MBD5: variants seen among roughly 807,000 people sequenced by gnomAD.
The protein encoded by MBD5 is methyl-CpG binding domain protein 5, also known as methyl-CpG-binding domain protein 5.
A neutral mutation model predicts 117.3 loss-of-function variants in MBD5; 13 were observed. The ratio of observed to expected loss-of-function variants is 0.11; its 90% CI spans 0.07 to 0.18. The LOEUF is 0.18. Among genes scored for constraint, MBD5 ranks in the 10% least tolerant of loss-of-function variants. MBD5 has a pLI of 1.00. For synonymous variants in MBD5, 727 were observed against 766.4 expected, an observed-to-expected ratio of 0.95 and a Z score of 0.85; for missense variants, 1,879 against 2,093.8, an observed-to-expected ratio of 0.90 and a Z score of 2.00.
intron 3 of MBD5, among the ~76,000 whole-genome samples, chr2:148,336,360 C>A (rs1470445533): frequency 6.6e-6 from 1 of 152,048 alleles, no homozygotes; most frequent in African/African-American, 2.4e-5. Flanking sequence ...CTACCCCTAT[C>A]TCCTATTTGT....
At chr2:148,347,643 G>T (rs557094193) in intron 4 of MBD5, 3 of 151,748 alleles carry the variant, frequency 2.0e-5, no homozygotes, top group Non-Finnish European at 2.9e-5. Context: ...CACAGTAAGC[G>T]CAGTGCCTAG....
At chr2:148,283,030 T>C (rs1701287678) in intron 3 of MBD5, among the ~76,000 whole-genome samples, 1 of 151,920 alleles carries the variant, frequency 6.6e-6, no homozygotes, top group Non-Finnish European at 1.5e-5. Context: ...AAGATCTAGG[T>C]TCAAGTAGAG....
chr2:148,479,790 C>T (rs1266385572), intron 8 of MBD5, among the ~76,000 whole-genome samples: 1 of 151,236 alleles, frequency 6.6e-6, no homozygotes, highest in Non-Finnish European at 1.5e-5. Context: ...TCTCAAATTC[C>T]AGACCAAATA....
chr2:148,255,255 G>T (rs1700558110), intron 3 of MBD5, among the ~76,000 whole-genome samples: 1 of 149,614 alleles, frequency 6.7e-6, no homozygotes. Flanking sequence ...GCCCTGGGCA[G>T]TCGTACCACA....
At chr2:148,299,513 A>G (rs1701734421) in intron 3 of MBD5, among the ~76,000 whole-genome samples, 3 of 152,158 alleles carry the variant, frequency 2.0e-5, no homozygotes, top group Admixed American at 2.0e-4. Context: ...TATTCTCTCC[A>G]AATGTTCATT....
chr2:148,503,632 T>A (rs1324753094), intron 12 of MBD5, among the ~76,000 whole-genome samples: 1 of 152,206 alleles, frequency 6.6e-6, no homozygotes, highest in Non-Finnish European at 1.5e-5. Context: ...CCTATGTCTC[T>A]ATGTCCCGGA....
At chr2:148,367,543 C>T (rs1162433786) in intron 4 of MBD5, among the ~76,000 whole-genome samples, 1 of 152,088 alleles carries the variant, frequency 6.6e-6, no homozygotes, top group Non-Finnish European at 1.5e-5. Flanking sequence ...AACAGGCAAC[C>T]TACAGAATGG....
chr2:148,376,580 T>C (rs544491187), intron 4 of MBD5, among the ~76,000 whole-genome samples: 1 of 150,470 alleles, frequency 6.6e-6, no homozygotes. Flanking sequence ...AATATTCATG[T>C]TATATTTCAA....
intron 3 of MBD5, among the ~76,000 whole-genome samples, chr2:148,253,542 G>A (rs1045880052): frequency 3.3e-5 from 5 of 152,156 alleles, no homozygotes; most frequent in African/African-American, 1.2e-4. Flanking sequence ...GCAATAAAGT[G>A]AACCATAGGA....
chr2:148,309,392 A>G (rs1464060421), intron 3 of MBD5, among the ~76,000 whole-genome samples: 2 of 152,034 alleles, frequency 1.3e-5, no homozygotes, highest in Non-Finnish European at 2.9e-5. Flanking sequence ...TTGTATTCCT[A>G]GGTATTTTAT....
At chr2:148,227,088 C>G (rs1307797860) in intron 2 of MBD5, among the ~76,000 whole-genome samples, 1 of 152,150 alleles carries the variant, frequency 6.6e-6, no homozygotes, top group East Asian at 1.9e-4. Context: ...ATGGTAGTTT[C>G]CTTTGCTGTG....
At chr2:148,064,237 C>T (rs1412961821) in intron 1 of MBD5, among the ~76,000 whole-genome samples, 1 of 151,262 alleles carries the variant, frequency 6.6e-6, no homozygotes. Context: ...GCCATTCTCC[C>T]GCCTAGTAGC....
chr2:148,349,836 C>G (rs1703210044), intron 4 of MBD5, among the ~76,000 whole-genome samples: 1 of 151,890 alleles, frequency 6.6e-6, no homozygotes, highest in South Asian at 2.1e-4. Flanking sequence ...GAATACACAC[C>G]TAACATAGTA....
intron 3 of MBD5, among the ~76,000 whole-genome samples, chr2:148,335,451 G>C (rs1702760915): frequency 6.6e-6 from 1 of 152,168 alleles, no homozygotes; most frequent in African/African-American, 2.4e-5. Flanking sequence ...TGAGCATGGG[G>C]CTCACACCTG....
At position 148,046,341 on chromosome 2, in the gene MBD5, G is replaced by A. The variant is rs372577426; in HGVS notation, c.-925+24657G>A. Among the ~76,000 whole-genome samples the A allele has an allele frequency of 7.2e-5, 11 of 152,246 alleles. 1 individual carries two copies. In the East Asian group the frequency reaches 1.5e-3, roughly 21 times the overall value. Reference sequence around the variant, plus strand: ...GAAAGAAATAAAATACAAGGTTTTCGAAGTTTTGTGATTGGTTGAGAAATC... The same window carrying A: ...GAAAGAAATAAAATACAAGGTTTTCAAAGTTTTGTGATTGGTTGAGAAATC... On this transcript the variant is annotated intron_variant, in intron 1 of 13. Transcript: ENST00000642680.
intron 3 of MBD5, among the ~76,000 whole-genome samples, chr2:148,263,450 T>C (rs1700780514): frequency 6.6e-6 from 1 of 152,194 alleles, no homozygotes; most frequent in Non-Finnish European, 1.5e-5. Context: ...TTTATAAGTT[T>C]TTCCCTGTTT....
chr2:148,334,534 A>G lies in MBD5; in HGVS notation c.-679-7680A>G, dbSNP rs113668343. Among the ~76,000 whole-genome samples, 741 of 152,060 alleles carry G rather than the reference A, an allele frequency of 4.9e-3. 8 individuals carry two copies. The highest frequency in any genetic ancestry group is 0.017 in the African/African-American group (691 of 41,476). ...TATTTTATAGAGGCAAGGTCTTGCTATGTTGCCCAGGCTGACCTCAAGCTC... is the reference window on the plus strand; with the variant it reads ...TATTTTATAGAGGCAAGGTCTTGCTGTGTTGCCCAGGCTGACCTCAAGCTC... On this transcript the variant is annotated intron_variant, in intron 3 of 13. Transcript: ENST00000642680.
intron 3 of MBD5, among the ~76,000 whole-genome samples, chr2:148,326,229 A>C (rs1341421915): frequency 1.3e-5 from 2 of 152,142 alleles, no homozygotes. Flanking sequence ...GTTCTTTTAC[A>C]TTTGCTGAGG....
In MBD5 at chr2:148,398,572, A is replaced by G. The variant is rs534777872; in HGVS notation, c.-557+56236A>G. On this transcript the variant is annotated intron_variant, in intron 4 of 13. Coordinates refer to ENST00000642680, the MANE Select transcript of MBD5 (RefSeq NM_001378120.1). ...TATTAGCCCTTTGTCAGATGAGTAGATTGCAAAAAGTTTCTCCCATTCTGT... is the reference window on the plus strand; with the variant it reads ...TATTAGCCCTTTGTCAGATGAGTAGGTTGCAAAAAGTTTCTCCCATTCTGT... Among the ~76,000 whole-genome samples, 438 of 152,204 alleles carry G rather than the reference A, an allele frequency of 2.9e-3. 2 individuals are homozygous for G. The highest frequency in any genetic ancestry group is 6.6e-3 in the Admixed American group (101 of 15,290).
Sources: allele counts gnomAD v4.1 joint callset (sites outside exome capture counted in the v4.1 genomes callset), GRCh38; gene constraint gnomAD v4.1.1; transcripts MANE v1.5; gene names NCBI Gene and HGNC (gene_info 2026-07-23, HGNC 2026-07-21).